Variants in SLC24A2 observed in about 807,000 individuals in gnomAD.
The protein encoded by SLC24A2 is sodium/potassium/calcium exchanger 2.
Under a neutral mutation model 62.0 loss-of-function variants are expected in SLC24A2, and 36 were observed. The ratio of observed to expected loss-of-function variants is 0.58; its 90% CI spans 0.44 to 0.77. The LOEUF (loss-of-function observed/expected upper bound fraction) is 0.77, where lower values mean the gene tolerates loss of function less well. SLC24A2 is among the 30% of genes least tolerant of loss of function. The pLI is 0.00. For missense variants in SLC24A2, 846 were observed against 817.9 expected, an observed-to-expected ratio of 1.03 and a Z score of -0.42; for synonymous variants, 358 against 294.0, an observed-to-expected ratio of 1.22 and a Z score of -2.23.
chr9:20,110,185 A>G, the SLC24A2 span, among the ~76,000 whole-genome samples: 13 of 152,122 alleles, frequency 8.5e-5, no homozygotes, highest in Non-Finnish European at 1.9e-4. Flanking sequence ...CCCTCTGGAT[A>G]TGTGGGGTTT....
intron 2 of SLC24A2, among the ~76,000 whole-genome samples, chr9:19,692,143 G>A (rs1163238578): frequency 6.6e-6 from 1 of 152,112 alleles, no homozygotes; most frequent in Admixed American, 6.6e-5. Flanking sequence ...TGTCATAGAT[G>A]AATGGCAATT....
chr9:19,645,887 C>T (rs1237478623), intron 2 of SLC24A2, among the ~76,000 whole-genome samples: 2 of 152,230 alleles, frequency 1.3e-5, no homozygotes, highest in Admixed American at 6.5e-5. Flanking sequence ...AGAGAAGTGA[C>T]TTTGAAATGC....
At chr9:20,017,016 CTTTTTA>C in the SLC24A2 span, among the ~76,000 whole-genome samples, 1 of 152,146 alleles carries the variant, frequency 6.6e-6, no homozygotes, top group African/African-American at 2.4e-5. Flanking sequence ...ATTAATCCTA[CTTTTTA>C]TTTTATTTTA....
At chr9:19,569,500 C>T (rs1244797631) in intron 7 of SLC24A2, among the ~76,000 whole-genome samples, 2 of 151,876 alleles carry the variant, frequency 1.3e-5, no homozygotes, top group Non-Finnish European at 2.9e-5. Context: ...CGCACAATGT[C>T]CTTCATGATC....
the SLC24A2 span, among the ~76,000 whole-genome samples, chr9:20,008,757 G>A: frequency 6.6e-6 from 1 of 152,094 alleles, no homozygotes; most frequent in African/African-American, 2.4e-5. Context: ...AGGTTGCATT[G>A]AGTTCTCCCA....
chr9:19,562,091 C>A (rs752857434), intron 7 of SLC24A2, among the ~76,000 whole-genome samples: 7 of 152,106 alleles, frequency 4.6e-5, no homozygotes, highest in African/African-American at 1.7e-4. Flanking sequence ...TTTGCTCCAA[C>A]GATTCTGAGG....
chr9:19,974,971 G>C, the SLC24A2 span, among the ~76,000 whole-genome samples: 4 of 152,266 alleles, frequency 2.6e-5, no homozygotes, highest in East Asian at 1.9e-4. Context: ...TGGGAGGAAG[G>C]CTCCTTTTTA....
At chr9:19,954,059 TA>T in the SLC24A2 span, among the ~76,000 whole-genome samples, 1 of 151,972 alleles carries the variant, frequency 6.6e-6, no homozygotes, top group Non-Finnish European at 1.5e-5. Context: ...GGGTCTAGGG[TA>T]AAAAAGAAGA....
At position 19,777,603 on chromosome 9, in the gene SLC24A2, A is replaced by C. The variant is rs556274765; in HGVS notation, c.930+8334T>G. On this transcript the variant is annotated intron_variant, in intron 2 of 10. Coordinates refer to ENST00000341998, the MANE Select transcript of SLC24A2 (RefSeq NM_020344.4). ...TGGGGAAAAGGCTCCATAATAGGCC[A>C]AAAATTTGTAAAAACCTTAAAATTG... Among the ~76,000 whole-genome samples the C allele has an allele frequency of 7.2e-5, 11 of 152,304 alleles. No homozygotes were observed. In the South Asian group the frequency reaches 2.1e-3, roughly 29 times the overall value.
the SLC24A2 span, among the ~76,000 whole-genome samples, chr9:20,299,685 C>A: frequency 1.1e-4 from 17 of 152,282 alleles, no homozygotes; most frequent in African/African-American, 3.9e-4. Context: ...CTACTAGGAC[C>A]AAATTCAGGT....
rs762117566 is a variant in SLC24A2 at position 19,786,247 on chromosome 9, G to A, written c.620C>T (p.Thr207Ile). ...FIAHSNVGIGTIVGSAVFNIL... is the reference protein window; with the variant it reads ...FIAHSNVGIGIIVGSAVFNIL... ...GTTGAATACTGCTGAACCTACAATTGTGCCTATGCCAACGTTGCTGTGAGC... is the reference window on the plus strand; with the variant it reads ...GTTGAATACTGCTGAACCTACAATTATGCCTATGCCAACGTTGCTGTGAGC... Residue 207 changes from threonine to isoleucine, a missense_variant, in exon 2 of 11, where the codon ACA becomes ATA. By Grantham distance (89) the Thr-to-Ile change is moderately conservative. Transcript: ENST00000341998. The surrounding 1 kb of genome is among the most constrained non-coding windows in gnomAD (Gnocchi z 5.0). 6.2e-7 allele frequency: 1 copy of A among 1,613,966 alleles called. No individual in the cohort carries two copies. The highest frequency in any genetic ancestry group is 8.5e-7 in the Non-Finnish European group (1 of 1,180,014).
At chr9:20,009,408 G>A in the SLC24A2 span, among the ~76,000 whole-genome samples, 3 of 148,376 alleles carry the variant, frequency 2.0e-5, no homozygotes, top group Admixed American at 6.7e-5. Flanking sequence ...AAAAAAAAGC[G>A]GGCGGGTGAT....
chr9:20,041,941 C>T, the SLC24A2 span, among the ~76,000 whole-genome samples: 78 of 152,348 alleles, frequency 5.1e-4, 2 homozygotes, highest in Non-Finnish European at 1.0e-3. Context: ...CTTTCTGTCC[C>T]CTCAGGTGCC....
intron 2 of SLC24A2, among the ~76,000 whole-genome samples, chr9:19,782,175 G>A (rs1823036693): frequency 6.6e-6 from 1 of 152,166 alleles, no homozygotes; most frequent in Admixed American, 6.5e-5. Context: ...TGCTTTCTAG[G>A]CCAATGACAG....
chr9:20,024,665 CGT>C, the SLC24A2 span, among the ~76,000 whole-genome samples: 2 of 151,994 alleles, frequency 1.3e-5, no homozygotes, highest in Admixed American at 6.5e-5. Flanking sequence ...TATGAAAATA[CGT>C]GTGTGTGTGT....
At chr9:20,182,896 G>A in the SLC24A2 span, among the ~76,000 whole-genome samples, 2 of 152,092 alleles carry the variant, frequency 1.3e-5, no homozygotes, top group Non-Finnish European at 2.9e-5. Flanking sequence ...TATACATTGG[G>A]CCACAATCTT....
intron 9 of SLC24A2, among the ~76,000 whole-genome samples, chr9:19,523,356 G>C (rs1351557660): frequency 6.6e-6 from 1 of 152,090 alleles, no homozygotes; most frequent in Non-Finnish European, 1.5e-5. Context: ...TGTAAAATGA[G>C]GATAATATCC....
the SLC24A2 span, among the ~76,000 whole-genome samples, chr9:20,044,744 T>C: frequency 2.0e-5 from 3 of 152,222 alleles, no homozygotes; most frequent in South Asian, 2.1e-4. Flanking sequence ...CTGATTATCC[T>C]ATTTTTTTGT....
chr9:20,170,722 A>G, the SLC24A2 span, among the ~76,000 whole-genome samples: 1 of 152,074 alleles, frequency 6.6e-6, no homozygotes, highest in Non-Finnish European at 1.5e-5. Flanking sequence ...TCAGAAATTC[A>G]TTGTATCTTT....
Sources: gnomAD v4.1 joint callset for allele counts (sites outside exome capture counted in the v4.1 genomes callset) on GRCh38, gnomAD v4.1.1 for gene constraint, Gnocchi (gnomAD v3.1) non-coding constraint, MANE v1.5 for transcripts, NCBI Gene and HGNC (gene_info 2026-07-23, HGNC 2026-07-21) for gene names.